The following DYNC1I2 variants were observed in gnomAD, a reference collection of about 807,000 sequenced individuals.
DYNC1I2 encodes cytoplasmic dynein 1 intermediate chain 2.
In DYNC1I2, 53 loss-of-function variants were observed where a neutral mutation model predicts 88.6. The ratio of observed to expected loss-of-function variants is 0.60; its 90% confidence interval spans 0.48 to 0.75. DYNC1I2 has a LOEUF of 0.75. Among genes scored for constraint, DYNC1I2 ranks in the 30% least tolerant of loss-of-function variants. DYNC1I2 has a pLI of 0.00. For missense variants in DYNC1I2, 458 were observed against 766.6 expected (o/e 0.60, Z 4.75); for synonymous variants, 198 against 254.6 (o/e 0.78, Z 2.12).
intron 3 of DYNC1I2, among the ~76,000 whole-genome samples, chr2:171,703,105 A>G (rs1023235657): frequency 1.8e-4 from 28 of 152,020 alleles, no homozygotes; most frequent in African/African-American, 5.8e-4. Context: ...TATTACTTAC[A>G]TTTTTACCTC....
intron 15 of DYNC1I2, among the ~76,000 whole-genome samples, chr2:171,742,709 G>C (rs1386604426): frequency 1.3e-5 from 2 of 152,130 alleles, no homozygotes; most frequent in African/African-American, 2.4e-5. Flanking sequence ...CTCTTCTCTG[G>C]CTTTTGCAAA....
At chr2:171,690,372 T>C in intron 2 of DYNC1I2, 109 bp downstream of exon 2, 1 of 741,554 alleles carries the variant, frequency 1.3e-6, no homozygotes, top group East Asian at 2.8e-5. Flanking sequence ...TGGTTAAAAG[T>C]AATGGCAAAA....
intron 3 of DYNC1I2, among the ~76,000 whole-genome samples, chr2:171,693,596 G>A (rs776966405): frequency 1.2e-4 from 18 of 152,156 alleles, no homozygotes; most frequent in Admixed American, 3.9e-4. Flanking sequence ...ACATTTTAGG[G>A]CTAGTTGGTG....
At chr2:171,734,638 T>C (rs775394731) in intron 15 of DYNC1I2, among the ~76,000 whole-genome samples, 17 of 152,318 alleles carry the variant, frequency 1.1e-4, no homozygotes, top group Non-Finnish European at 1.9e-4. Flanking sequence ...AAGGACCCTC[T>C]GAAACTTTAT....
intron 17 of DYNC1I2, among the ~76,000 whole-genome samples, chr2:171,747,207 T>TATATATATA (rs1491354708): frequency 4.8e-5 from 6 of 124,702 alleles, no homozygotes; most frequent in Non-Finnish European, 6.6e-5. Context: ...AAAAAAAAAA[T>TATATATATA]TATATATATA....
At chr2:171,696,763 T>C (rs542726487) in intron 3 of DYNC1I2, among the ~76,000 whole-genome samples, 1 of 152,286 alleles carries the variant, frequency 6.6e-6, no homozygotes, top group South Asian at 2.1e-4. Flanking sequence ...TTCTGGGCTC[T>C]CTATTTTCAC....
At chr2:171,703,348 G>A (rs1021849171) in intron 3 of DYNC1I2, among the ~76,000 whole-genome samples, 4 of 152,008 alleles carry the variant, frequency 2.6e-5, no homozygotes, top group East Asian at 1.9e-4. Context: ...CAATCCTCCC[G>A]CCTCAGCCTC....
At chr2:171,740,384 T>C (rs546403650) in intron 15 of DYNC1I2, among the ~76,000 whole-genome samples, 1 of 152,328 alleles carries the variant, frequency 6.6e-6, no homozygotes, top group East Asian at 1.9e-4. Flanking sequence ...GTTTGATTGT[T>C]TATAAAATCC....
chr2:171,722,502 C>T (rs1687965971), intron 7 of DYNC1I2, among the ~76,000 whole-genome samples: 1 of 152,110 alleles, frequency 6.6e-6, no homozygotes, highest in African/African-American at 2.4e-5. Flanking sequence ...TTTCAGTCTT[C>T]CTGCTCTGTT....
rs1046285555 is a variant in DYNC1I2 at position 171,691,113 on chromosome 2, A to G, written c.108+850A>G. On this transcript the variant is annotated intron_variant, in intron 2 of 17. Transcript: ENST00000397119. ...TAAAATATATGTAATAGATGATTTA[A>G]TTGACTAAGGGATTTGTTCTTATCT... Among the ~76,000 whole-genome samples the G allele has an allele frequency of 3.3e-5, 5 of 152,236 alleles. 1 individual carries two copies. In the South Asian group the frequency reaches 1.0e-3, roughly 31 times the overall value.
intron 7 of DYNC1I2, among the ~76,000 whole-genome samples, chr2:171,722,251 C>G (rs1687948963): frequency 6.6e-6 from 1 of 152,112 alleles, no homozygotes; most frequent in Non-Finnish European, 1.5e-5. Flanking sequence ...CTTTCTGTCT[C>G]ACCAAAATAC....
intron 15 of DYNC1I2, among the ~76,000 whole-genome samples, chr2:171,730,206 T>C (rs927910437): frequency 6.6e-6 from 1 of 152,114 alleles, no homozygotes; most frequent in African/African-American, 2.4e-5. Context: ...ATGCATTTGC[T>C]CTTTGGAGAG....
In DYNC1I2 at chr2:171,747,278, C is replaced by A. The variant is rs531188837; in HGVS notation, c.1804-498C>A. Among the ~76,000 whole-genome samples the A allele has an allele frequency of 1.4e-3, 214 of 148,858 alleles. 1 individual carries two copies. Among genetic ancestry groups the A allele is most frequent in the Non-Finnish European group, 2.7e-3 (185 of 67,428 alleles). ...GTAAAGCATCACAAGGCTCTTTTGC[C>A]ACCAGTGCAGCACTAAAGTGGTAAA... On this transcript the variant is annotated intron_variant, in intron 17 of 17. Transcript: ENST00000397119.
At chr2:171,709,262 T>A (rs1686926539) in intron 5 of DYNC1I2, among the ~76,000 whole-genome samples, 1 of 152,230 alleles carries the variant, frequency 6.6e-6, no homozygotes, top group African/African-American at 2.4e-5. Context: ...TTAAGTTTTT[T>A]AAATTAATGT....
intron 15 of DYNC1I2, among the ~76,000 whole-genome samples, chr2:171,737,213 C>T (rs1689069173): frequency 6.6e-6 from 1 of 152,162 alleles, no homozygotes; most frequent in African/African-American, 2.4e-5. Context: ...AGATGGCATT[C>T]TACCTGTTTG....
In DYNC1I2 at chr2:171,725,581, TTTTTG is replaced by T. The variant is rs772137193; in HGVS notation, c.512-32_512-28del. 2.4e-5 allele frequency: 30 copies of T among 1,267,810 alleles called. No individual in the cohort carries two copies. In the African/African-American group the frequency reaches 3.9e-4, roughly 17 times the overall value. 78.5% of individuals were successfully genotyped at this position (1,267,810 alleles called of 1,614,324 possible). Reference sequence around the variant, plus strand: ...AAATAATTTATTATATCATTCTGTTTTTTTGTTTTTTTGTTTGTTTTTTTTTTTTT... The same window carrying T: ...AAATAATTTATTATATCATTCTGTTTTTTTTTTGTTTGTTTTTTTTTTTTT... On this transcript the variant is annotated intron_variant, in intron 7 of 17. Transcript: ENST00000397119.
rs372393134 is a variant in DYNC1I2 at position 171,728,326 on chromosome 2, G to A, written c.1165G>A (p.Val389Ile). ...AHTHPVYCVN[V>I]VGTQNAHNLI... ...CTAGCACCCTGTATATTGTGTAAAT[G>A]TTGTTGGAACACAAAATGCTCACAA... The change falls in exon 13 of 18, where the codon GTT becomes ATT. Residue 389 changes from valine to isoleucine, a missense_variant. By Grantham distance (29) the Val-to-Ile change is conservative (BLOSUM62 3). Coordinates refer to ENST00000397119, the MANE Select transcript of DYNC1I2 (RefSeq NM_001378.3). 6.2e-5 allele frequency: 99 copies of A among 1,602,166 alleles called. No homozygotes were observed. In the South Asian group the frequency reaches 8.5e-4, roughly 14 times the overall value.
chr2:171,693,806 G>A (rs1326422664), intron 3 of DYNC1I2, among the ~76,000 whole-genome samples: 2 of 152,180 alleles, frequency 1.3e-5, no homozygotes, highest in Non-Finnish European at 2.9e-5. Flanking sequence ...GAAGACTGAA[G>A]TATATTAATT....
chr2:171,747,191 CA>C (rs1168082428), intron 17 of DYNC1I2, among the ~76,000 whole-genome samples: 882 of 75,990 alleles, frequency 0.012, 10 homozygotes, highest in African/African-American at 0.033. Context: ...GGGACTGTCT[CA>C]AAAAAAAAAA....
Sources: gnomAD v4.1 joint callset for allele counts (sites outside exome capture counted in the v4.1 genomes callset) on GRCh38, gnomAD v4.1.1 for gene constraint, MANE v1.5 for transcripts, NCBI Gene and HGNC (gene_info 2026-07-23, HGNC 2026-07-21) for gene names.